Variants in RBPJ observed in about 807,000 individuals in gnomAD.
RBPJ encodes the protein recombination signal binding protein for immunoglobulin kappa J region, also known as recombining binding protein suppressor of hairless.
In RBPJ, 9 loss-of-function variants were observed where a neutral mutation model predicts 67.8. The observed-to-expected ratio is 0.13, with a 90% CI of 0.08 to 0.23. RBPJ has a LOEUF of 0.23. RBPJ is among the 10% of genes least tolerant of loss of function. The pLI is 1.00. For missense variants in RBPJ, 305 were observed against 595.6 expected, an observed-to-expected ratio of 0.51 and a Z score of 5.08; for synonymous variants, 198 against 203.3, an observed-to-expected ratio of 0.97 and a Z score of 0.22.
chr4:26,281,885 C>A (rs954149200), intron 1 of RBPJ, among the ~76,000 whole-genome samples: 6 of 152,148 alleles, frequency 3.9e-5, no homozygotes, highest in Non-Finnish European at 8.8e-5. Context: ...TTTAGTCTTA[C>A]AAAGTTATTT....
rs180690195 is a variant in RBPJ, at chr4:26,411,471, G to T, written c.156-4004G>T. 4.2e-4 allele frequency among the ~76,000 whole-genome samples: 64 copies of T among 151,888 alleles called. 1 individual carries two copies. In the East Asian group the frequency reaches 8.3e-3, roughly 20 times the overall value. On this transcript the variant is annotated intron_variant, in intron 3 of 10. Transcript: ENST00000355476. The stretch of plus-strand genomic sequence containing the variant: ...GTATTTTAGGGGATGATGATATTGG[G>T]ATGTTTAAGGTATGATTTTATCAGC...
chr4:26,430,705 A>G lies in RBPJ; in HGVS notation c.1162A>G (p.Met388Val). ...TTTCCTCCTCAGGTGTGGAGAGAGT[A>G]TGCTCTGTGTCGTCCCAGACATTTC... ...AETMYRCGES[M>V]LCVVPDISAF... is the part of the protein sequence containing the mutation. Residue 388 changes from methionine (M) to valine (V), a missense_variant, in exon 11 of 11, where the codon ATG becomes GTG. Around this residue, in one of 7 missense-constraint regions of RBPJ, gnomAD observed 47 missense variants for 128.2 expected, o/e 0.37. Transcript: ENST00000355476. The surrounding 1 kb of genome is among the most constrained non-coding windows in gnomAD (Gnocchi z 4.1). 6.2e-7 allele frequency: 1 copy of G among 1,614,076 alleles called. No homozygotes were observed. The highest frequency in any genetic ancestry group is 8.5e-7 in the Non-Finnish European group (1 of 1,180,002).
intron 1 of RBPJ, among the ~76,000 whole-genome samples, chr4:26,186,304 C>T (rs1408562004): frequency 6.6e-6 from 1 of 151,362 alleles, no homozygotes; most frequent in Non-Finnish European, 1.5e-5. Flanking sequence ...TCAGTTTCCT[C>T]ATCTGTTAAA....
chr4:26,279,872 C>T (rs1372623725), intron 1 of RBPJ, among the ~76,000 whole-genome samples: 7 of 149,714 alleles, frequency 4.7e-5, no homozygotes, highest in African/African-American at 1.2e-4. Context: ...ACTGCAGCCT[C>T]GACTTCTTGG....
At chr4:26,159,211 T>A (rs1716033049), upstream of RBPJ, among the ~76,000 whole-genome samples, 1 of 152,118 alleles carries the variant, frequency 6.6e-6, no homozygotes, top group South Asian at 2.1e-4. Flanking sequence ...TCCAAGCAAC[T>A]CTGTGAAGTA....
chr4:26,320,794 C>T (rs923266111), upstream of RBPJ: 6 of 1,556,140 alleles, frequency 3.9e-6, no homozygotes, highest in Non-Finnish European at 3.5e-6. Flanking sequence ...GAGGAGCCGC[C>T]TGCGCATGCT....
At chr4:26,400,382 G>A (rs145273588) in intron 2 of RBPJ, among the ~76,000 whole-genome samples, 6 of 152,340 alleles carry the variant, frequency 3.9e-5, no homozygotes, top group South Asian at 2.1e-4. Flanking sequence ...AATGCACAGC[G>A]CAATCTCTCC....
chr4:26,258,725 C>T (rs1295440453), intron 1 of RBPJ, among the ~76,000 whole-genome samples: 3 of 152,164 alleles, frequency 2.0e-5, no homozygotes, highest in Admixed American at 1.3e-4. Context: ...GGGAATTTAA[C>T]CCTATCGATG....
intron 1 of RBPJ, among the ~76,000 whole-genome samples, chr4:26,190,208 C>T (rs1198690471): frequency 6.6e-6 from 1 of 152,220 alleles, no homozygotes; most frequent in Non-Finnish European, 1.5e-5. Context: ...CCCTTGAGAG[C>T]AGCAAATCTT....
upstream of RBPJ, among the ~76,000 whole-genome samples, chr4:26,315,950 T>C (rs1722595631): frequency 6.6e-6 from 1 of 152,146 alleles, no homozygotes; most frequent in African/African-American, 2.4e-5. Context: ...TCAGACCTTA[T>C]GGTTGTCTTC....
chr4:26,285,427 G>A (rs1158315133), intron 1 of RBPJ, among the ~76,000 whole-genome samples: 1 of 151,828 alleles, frequency 6.6e-6, no homozygotes, highest in African/African-American at 2.4e-5. Flanking sequence ...TTTCATTCCT[G>A]CCACCTCTAG....
At chr4:26,114,280 G>A in the RBPJ span, among the ~76,000 whole-genome samples, 13 of 152,006 alleles carry the variant, frequency 8.6e-5, no homozygotes, top group African/African-American at 2.4e-4. Flanking sequence ...CCAACATGGC[G>A]AAACCCCGTT....
chr4:26,397,675 C>A (rs1202280041), intron 2 of RBPJ, among the ~76,000 whole-genome samples: 1 of 152,028 alleles, frequency 6.6e-6, no homozygotes, highest in African/African-American at 2.4e-5. Context: ...ACTCTGTTGC[C>A]CAGGCTGGAG....
At chr4:26,428,943 C>A in intron 8 of RBPJ, 83 bp downstream of exon 8, 2 of 1,055,668 alleles carry the variant, frequency 1.9e-6, no homozygotes, top group Non-Finnish European at 2.9e-6. Flanking sequence ...TTTTCATTTG[C>A]TGTTAATTAT....
intron 2 of RBPJ, among the ~76,000 whole-genome samples, chr4:26,390,859 A>G (rs1365327687): frequency 6.6e-6 from 1 of 152,224 alleles, no homozygotes; most frequent in Non-Finnish European, 1.5e-5. Flanking sequence ...GTTTGAAACC[A>G]GCTTGGGCAA....
At chr4:26,325,494 C>T (rs943039804) in intron 1 of RBPJ, among the ~76,000 whole-genome samples, 2 of 152,146 alleles carry the variant, frequency 1.3e-5, no homozygotes, top group Admixed American at 1.3e-4. Context: ...CACTTAAAAC[C>T]CCTGCCAGTT....
At chr4:26,122,204 G>A in the RBPJ span, among the ~76,000 whole-genome samples, 1 of 152,138 alleles carries the variant, frequency 6.6e-6, no homozygotes, top group Non-Finnish European at 1.5e-5. Context: ...TTAGAGATAA[G>A]CAAAGTGAAG....
chr4:26,139,571 A>C, the RBPJ span, among the ~76,000 whole-genome samples: 6 of 152,348 alleles, frequency 3.9e-5, no homozygotes, highest in African/African-American at 1.4e-4. Flanking sequence ...CCAGCAGGTG[A>C]GCCTTACCCA....
At chr4:26,129,285 G>A in the RBPJ span, among the ~76,000 whole-genome samples, 6 of 152,132 alleles carry the variant, frequency 3.9e-5, no homozygotes, top group East Asian at 1.9e-4. Flanking sequence ...CTACCCTGCC[G>A]TGAATCATTT....
Sources: allele counts gnomAD v4.1 joint callset (sites outside exome capture counted in the v4.1 genomes callset), GRCh38; gene constraint gnomAD v4.1.1; regional missense constraint gnomAD v4.1.1; non-coding constraint Gnocchi (gnomAD v3.1); transcripts MANE v1.5; gene names NCBI Gene and HGNC (gene_info 2026-07-23, HGNC 2026-07-21).